PARP15: variants seen among roughly 807,000 people sequenced by gnomAD.
The protein encoded by PARP15 is poly(ADP-ribose) polymerase family member 15, also known as protein mono-ADP-ribosyltransferase PARP15.
A neutral mutation model predicts 62.1 loss-of-function variants in PARP15; 50 were observed. That is an observed-to-expected ratio of 0.81 (90% CI 0.64 to 1.02). The LOEUF (loss-of-function observed/expected upper bound fraction) is 1.02, where lower values mean the gene tolerates loss of function less well. Ranked by LOEUF, PARP15 falls within the 50% of genes least tolerant of loss-of-function variation. PARP15 has a pLI of 0.00. For missense variants in PARP15, 820 were observed against 826.5 expected (o/e 0.99, Z 0.10); for synonymous variants, 309 against 293.1 (o/e 1.05, Z -0.55).
chr3:122,592,390 G>A (rs1189607613), intron 1 of PARP15, among the ~76,000 whole-genome samples: 1 of 152,096 alleles, frequency 6.6e-6, no homozygotes, highest in Non-Finnish European at 1.5e-5. Flanking sequence ...GCTGAACAGT[G>A]AGAACACATG....
chr3:122,589,888 C>CTTTTT (rs34826853), intron 1 of PARP15, among the ~76,000 whole-genome samples: 2 of 102,056 alleles, frequency 2.0e-5, no homozygotes, highest in Non-Finnish European at 4.0e-5. Flanking sequence ...TAAGGCATAA[C>CTTTTT]TTTTTTTTTT....
rs745410898 is a variant in PARP15, at chr3:122,617,053, T to C, written c.889T>C (p.Tyr297His). 13 of 1,614,050 alleles carry C rather than the reference T, an allele frequency of 8.1e-6. No individual in the cohort carries two copies. Among genetic ancestry groups the C allele is most frequent in the East Asian group, 2.2e-5 (1 of 44,900 alleles). ...GTVSKPCFTA[Y>H]EMKIGAITFQ... ...TGTCTCTAAGCCTTGTTTCACAGCA[T>C]ATGAAATGAAAATCGGTGCAATTAC... The change falls in exon 6 of 12, where the codon TAT (tyrosine) becomes CAT (histidine). Residue 297 changes from tyrosine (Y) to histidine (H), a missense_variant. Around this residue, in one of 3 missense-constraint regions of PARP15, gnomAD observed 731 missense variants for 727.7 expected, o/e 1.00. Transcript: ENST00000464300.
intron 8 of PARP15, among the ~76,000 whole-genome samples, chr3:122,623,863 A>G (rs1364420369): frequency 1.3e-5 from 2 of 152,076 alleles, no homozygotes; most frequent in Admixed American, 1.3e-4. Context: ...TGTTTCTCAG[A>G]CCTGGCTCAG....
intron 8 of PARP15, among the ~76,000 whole-genome samples, chr3:122,624,831 A>G (rs1576540245): frequency 1.3e-5 from 2 of 152,158 alleles, no homozygotes; most frequent in East Asian, 1.9e-4. Flanking sequence ...TCACCATTAT[A>G]CATAATTGTA....
chr3:122,617,086 G>T lies in PARP15; in HGVS notation c.922G>T (p.Val308Phe). The change falls in exon 6 of 12, where the codon GTT (valine) becomes TTT (phenylalanine). Residue 308 changes from valine (V) to phenylalanine (F), a missense_variant. Around this residue, in one of 3 missense-constraint regions of PARP15, gnomAD observed 731 missense variants for 727.7 expected, o/e 1.00. Coordinates refer to ENST00000464300, the MANE Select transcript of PARP15 (RefSeq NM_001113523.3). Reference protein sequence around the residue: ...EMKIGAITFQVATGDIATEQV... With the variant: ...EMKIGAITFQFATGDIATEQV... ...GAAAATCGGTGCAATTACTTTTCAG[G>T]TTGCTACTGGAGATATAGCCACTGA... The T allele has an allele frequency of 6.2e-7, 1 of 1,613,994 alleles. No homozygotes were observed. Among genetic ancestry groups the T allele is most frequent in the Non-Finnish European group, 8.5e-7 (1 of 1,179,926 alleles).
intron 1 of PARP15, among the ~76,000 whole-genome samples, chr3:122,585,715 C>T (rs1446697986): frequency 3.3e-5 from 5 of 152,158 alleles, no homozygotes; most frequent in African/African-American, 1.2e-4. Flanking sequence ...CTGAACTCAC[C>T]CTTTCGTCAA....
intron 4 of PARP15, chr3:122,615,233 C>T (rs1378817604): frequency 1.6e-6 from 2 of 1,276,396 alleles, no homozygotes; most frequent in Non-Finnish European, 2.0e-6. Context: ...CATTTCTAAA[C>T]AAAACTTCAA....
intron 11 of PARP15, 53 bp downstream of exon 11, chr3:122,635,247 A>G (rs1937287804): frequency 1.3e-6 from 2 of 1,539,760 alleles, no homozygotes; most frequent in Non-Finnish European, 1.8e-6. Context: ...ATAGTCTCAG[A>G]CTTTTCATAC....
In PARP15 at chr3:122,616,466, A is replaced by T. The variant is rs549141700; in HGVS notation, c.851-549A>T. ...TGCTTCAGTCTCCCGAGTAGCTGGG[A>T]TGACAGGTGTGCACCACCACACCCA... On this transcript the variant is annotated intron_variant, in intron 5 of 11. Transcript: ENST00000464300. Among the ~76,000 whole-genome samples, 6 of 151,316 alleles carry T rather than the reference A, an allele frequency of 4.0e-5. No individual in the cohort carries two copies. The South Asian group carries it at 1.3e-3, about 32-fold the overall frequency.
intron 1 of PARP15, among the ~76,000 whole-genome samples, chr3:122,579,166 C>G (rs910820019): frequency 2.6e-5 from 4 of 152,116 alleles, no homozygotes; most frequent in African/African-American, 9.7e-5. Flanking sequence ...GGAAGCGAAA[C>G]AAAGGATGCC....
chr3:122,607,579 A>G (rs1470250937), intron 2 of PARP15, among the ~76,000 whole-genome samples: 1 of 152,192 alleles, frequency 6.6e-6, no homozygotes, highest in Non-Finnish European at 1.5e-5. Flanking sequence ...GCCACTTTAT[A>G]TTTTACCTTA....
chr3:122,618,899 A>G (rs1004557147), intron 6 of PARP15, among the ~76,000 whole-genome samples: 6 of 152,164 alleles, frequency 3.9e-5, no homozygotes, highest in African/African-American at 1.4e-4. Flanking sequence ...TCACTCTTAA[A>G]TAGGAATGGA....
At chr3:122,585,099 T>G (rs7636478) in intron 1 of PARP15, among the ~76,000 whole-genome samples, 56,452 of 152,044 alleles carry the variant, frequency 0.37, 10,909 homozygotes, top group Admixed American at 0.46. Flanking sequence ...AAGTGCCCTT[T>G]TGTCACCGAA....
Position 122,611,725 on chromosome 3 carries a change from A to T in PARP15, c.543+995A>T, listed in dbSNP as rs540246959. Among the ~76,000 whole-genome samples, 271 of 145,350 alleles carry T rather than the reference A, an allele frequency of 1.9e-3. 1 individual carries two copies. The highest frequency in any genetic ancestry group is 3.4e-3 in the Non-Finnish European group (226 of 66,768). ...TGCATATTTATTTATTTATTTATTT[A>T]TTTTTTGAGATGGAGTTTTGCTCTT... On this transcript the variant is annotated intron_variant, in intron 3 of 11. Coordinates refer to ENST00000464300, the MANE Select transcript of PARP15 (RefSeq NM_001113523.3).
intron 8 of PARP15, among the ~76,000 whole-genome samples, chr3:122,624,947 A>G (rs1358011596): frequency 6.6e-6 from 1 of 152,130 alleles, no homozygotes; most frequent in Non-Finnish European, 1.5e-5. Context: ...TCAACCTAGC[A>G]ACAGAGCTAG....
intron 1 of PARP15, among the ~76,000 whole-genome samples, chr3:122,600,857 G>A (rs762960344): frequency 9.3e-5 from 14 of 150,720 alleles, no homozygotes; most frequent in Admixed American, 2.0e-4. Context: ...AAAATTTAGC[G>A]AAAGCGGAAA....
chr3:122,634,315 C>T (rs1231519565), intron 10 of PARP15, among the ~76,000 whole-genome samples: 1 of 152,160 alleles, frequency 6.6e-6, no homozygotes, highest in Non-Finnish European at 1.5e-5. Context: ...CCACCACCCC[C>T]ATGCCATTAG....
In PARP15 at chr3:122,638,614, G is replaced by A. The variant is rs1037132234; in HGVS notation, c.*2514G>A. On this transcript the variant is annotated 3_prime_UTR_variant, in exon 12 of 12. Transcript: ENST00000464300. Reference sequence around the variant, plus strand: ...AAATGTCTTCTTTTGAGAAGTGTCCGTTCATATCCTTTGCCCACTTTTTGA... The same window carrying A: ...AAATGTCTTCTTTTGAGAAGTGTCCATTCATATCCTTTGCCCACTTTTTGA... 3 of 152,106 alleles carry A rather than the reference G, an allele frequency of 2.0e-5. No individual in the cohort carries two copies. Among genetic ancestry groups the A allele is most frequent in the Non-Finnish European group, 2.9e-5 (2 of 68,032 alleles). 9.4% of individuals were successfully genotyped at this position (152,106 alleles called of 1,614,324 possible).
chr3:122,636,022 TACACGATCTCCA>T lies in PARP15; in HGVS notation c.1961_1972del (p.Thr654_Pro657del). The T allele has an allele frequency of 6.2e-7, 1 of 1,614,052 alleles. No individual in the cohort carries two copies. The highest frequency in any genetic ancestry group is 8.5e-7 in the Non-Finnish European group (1 of 1,179,962). Reference sequence around the variant, plus strand: ...ATCTCTTTGACTCAGTGACAAACAATACACGATCTCCAAAGCTATTTGTGGTATTCTTTGATA... The same window carrying T: ...ATCTCTTTGACTCAGTGACAAACAATAAGCTATTTGTGGTATTCTTTGATA... On this transcript the variant is annotated inframe_deletion, in exon 12 of 12. Transcript: ENST00000464300.
Sources: allele counts gnomAD v4.1 joint callset (sites outside exome capture counted in the v4.1 genomes callset), GRCh38; gene constraint gnomAD v4.1.1; regional missense constraint gnomAD v4.1.1; transcripts MANE v1.5; gene names NCBI Gene and HGNC (gene_info 2026-07-23, HGNC 2026-07-21).